The following SSBP4 variants were observed in gnomAD, a reference collection of about 807,000 sequenced individuals.
The protein encoded by SSBP4 is single stranded DNA binding protein 4.
In SSBP4, 33 loss-of-function variants were observed where a neutral mutation model predicts 64.6. The ratio of observed to expected loss-of-function variants is 0.51; its 90% confidence interval spans 0.39 to 0.68. The LOEUF (loss-of-function observed/expected upper bound fraction) is 0.68. Among genes scored for constraint, SSBP4 ranks in the 30% least tolerant of loss-of-function variants. The pLI, the probability that SSBP4 is intolerant of heterozygous loss-of-function variation, is 0.00. For synonymous variants in SSBP4, 243 were observed against 224.0 expected, an observed-to-expected ratio of 1.08 and a Z score of -0.76; for missense variants, 583 against 566.8, an observed-to-expected ratio of 1.03 and a Z score of -0.29.
the SSBP4 span, among the ~76,000 whole-genome samples, chr19:18,404,985 G>GCCC: frequency 1.5e-5 from 2 of 134,498 alleles, no homozygotes; most frequent in African/African-American, 5.6e-5. Flanking sequence ...AAGCCCAGAG[G>GCCC]CCCCCCCCCC....
upstream of SSBP4, among the ~76,000 whole-genome samples, chr19:18,417,113 CCGACCCCGCCGT>C (rs1568338410): frequency 6.6e-6 from 1 of 151,878 alleles, no homozygotes; most frequent in Non-Finnish European, 1.5e-5. The surrounding 1 kb of genome is among the most constrained non-coding windows in gnomAD (Gnocchi z 5.4). Flanking sequence ...GGGAGACCGA[CCGACCCCGCCGT>C]CGCCCGTCCT....
chr19:18,419,241 G>A, upstream of SSBP4: 1 of 989,702 alleles, frequency 1.0e-6, no homozygotes, highest in Non-Finnish European at 1.2e-6. Flanking sequence ...CCGCGAGTGT[G>A]TAGCCGCGCC....
At position 18,423,771 on chromosome 19, in the gene SSBP4, C is replaced by T. The variant is rs944261281; in HGVS notation, c.60-3580C>T. On this transcript the variant is annotated intron_variant, in intron 1 of 17. Coordinates refer to ENST00000270061, the MANE Select transcript of SSBP4 (RefSeq NM_032627.5). This position sits in a 1 kb window ranked among gnomAD's most constrained non-coding sequence, Gnocchi z 4.0. ...CTTCTGCAGGGAGAGCTGCCTGCTGCTCTTCCGGGTGCCTCCCTGTTTTCC... is the reference window on the plus strand; with the variant it reads ...CTTCTGCAGGGAGAGCTGCCTGCTGTTCTTCCGGGTGCCTCCCTGTTTTCC... Among the ~76,000 whole-genome samples the T allele has an allele frequency of 7.2e-5, 11 of 152,188 alleles. No individual in the cohort carries two copies. Among genetic ancestry groups the T allele is most frequent in the African/African-American group, 2.7e-4 (11 of 41,452 alleles).
intron 5 of SSBP4, 69 bp downstream of exon 5, chr19:18,430,999 C>G (rs972229048): frequency 1.9e-6 from 3 of 1,538,538 alleles, no homozygotes; most frequent in African/African-American, 1.4e-5. Flanking sequence ...TGGGGGGGGT[C>G]CCACGTGGGC....
chr19:18,427,683 G>A lies in SSBP4; in HGVS notation c.133-69G>A, dbSNP rs1177840295. 2.0e-6 allele frequency: 3 copies of A among 1,507,724 alleles called. No individual in the cohort carries two copies. Among genetic ancestry groups the A allele is most frequent in the Non-Finnish European group, 2.7e-6 (3 of 1,117,450 alleles). The allele number at this position is 1,507,724 out of a possible 1,614,324, so 93.4% of individuals were successfully genotyped here. ...CTCCCTCCCTGCCCAGATGTTCTCTGGGCACCCTGCTGGGTGGTGGGGCAG... is the reference window on the plus strand; with the variant it reads ...CTCCCTCCCTGCCCAGATGTTCTCTAGGCACCCTGCTGGGTGGTGGGGCAG... On this transcript the variant is annotated intron_variant, in intron 2 of 17. Coordinates refer to ENST00000270061, the MANE Select transcript of SSBP4 (RefSeq NM_032627.5). This position sits in a 1 kb window ranked among gnomAD's most constrained non-coding sequence, Gnocchi z 4.4.
intron 4 of SSBP4, among the ~76,000 whole-genome samples, chr19:18,430,012 C>G (rs1973215961): frequency 6.6e-6 from 1 of 152,172 alleles, no homozygotes; most frequent in South Asian, 2.1e-4. Context: ...CTCTCTGAGC[C>G]CAAGTGGCTG....
chr19:18,410,717 T>C, the SSBP4 span, among the ~76,000 whole-genome samples: 3 of 151,844 alleles, frequency 2.0e-5, no homozygotes, highest in African/African-American at 7.2e-5. Flanking sequence ...CAGGGAGGCC[T>C]CAAGGGGATG....
At chr19:18,413,843 C>T in the SSBP4 span, among the ~76,000 whole-genome samples, 3 of 152,056 alleles carry the variant, frequency 2.0e-5, no homozygotes. Context: ...ATGGTGAAAC[C>T]CCGTCTCTAC....
chr19:18,414,077 A>T (rs1972113552), upstream of SSBP4, among the ~76,000 whole-genome samples: 1 of 152,198 alleles, frequency 6.6e-6, no homozygotes, highest in Non-Finnish European at 1.5e-5. Flanking sequence ...ACAGGTGAGG[A>T]GTAGCAGAAG....
Position 18,427,898 on chromosome 19 carries a change from C to T in SSBP4, c.195C>T (p.Cys65=), listed in dbSNP as rs140756470. 78 of 1,613,830 alleles carry T rather than the reference C, an allele frequency of 4.8e-5. No individual in the cohort carries two copies. Among genetic ancestry groups the T allele is most frequent in the African/African-American group, 2.5e-4 (19 of 74,896 alleles). Residue 65 remains cysteine, a splice_region_variant and synonymous_variant, in exon 4 of 18, where the codon TGC becomes TGT. Transcript: ENST00000270061. This position sits in a 1 kb window ranked among gnomAD's most constrained non-coding sequence, Gnocchi z 4.4. The part of the protein sequence containing the change: ...EPPGFLHSWW[C]VFWDLYCAAP... ...AACCATCTTCCCCTTTGGCCCACAG[C>T]GTCTTCTGGGACCTGTACTGCGCGG...
chr19:18,431,640 C>T lies in SSBP4; in HGVS notation c.436-7C>T, dbSNP rs1345770523. On this transcript the variant is annotated splice_region_variant and splice_polypyrimidine_tract_variant and intron_variant, in intron 6 of 17. Transcript: ENST00000270061. Reference sequence around the variant, plus strand: ...GGAAGGTGCTGATCCCCGCCCACCTCTTCCAGCCCTTCATGTCACCGCGCT... The same window carrying T: ...GGAAGGTGCTGATCCCCGCCCACCTTTTCCAGCCCTTCATGTCACCGCGCT... 3.9e-6 allele frequency: 6 copies of T among 1,548,018 alleles called. No individual in the cohort carries two copies. Among genetic ancestry groups the T allele is most frequent in the Non-Finnish European group, 4.4e-6 (5 of 1,145,846 alleles).
upstream of SSBP4, among the ~76,000 whole-genome samples, chr19:18,418,486 C>A (rs1292084684): frequency 6.6e-6 from 1 of 152,168 alleles, no homozygotes; most frequent in African/African-American, 2.4e-5. This position sits in a 1 kb window ranked among gnomAD's most constrained non-coding sequence, Gnocchi z 6.7. Flanking sequence ...CCCTGACTCC[C>A]GCAGACAAAG....
chr19:18,434,177 G>C (rs927977290), intron 17 of SSBP4, 40 bp from the exon 18 acceptor site: 8 of 1,609,416 alleles, frequency 5.0e-6, no homozygotes, highest in Admixed American at 3.4e-5. Flanking sequence ...TTCCGGAGCT[G>C]AACTCGGCCC....
At position 18,433,142 on chromosome 19, in the gene SSBP4, T is replaced by G. The variant is rs779481720; in HGVS notation, c.920T>G (p.Leu307Arg). Residue 307 changes from leucine to arginine, a missense_variant, in exon 15 of 18, where the codon CTC becomes CGC. By Grantham distance (102) the Leu-to-Arg change is moderately radical. Transcript: ENST00000270061. ...CTGTCCCCATGCCCGCAGTTCCCGCTCGGCCCTGGCCCGGAGGGCCCCATG... is the reference window on the plus strand; with the variant it reads ...CTGTCCCCATGCCCGCAGTTCCCGCGCGGCCCTGGCCCGGAGGGCCCCATG... ...GQGAGRANFP[L>R]GPGPEGPMAA... 38 of 1,606,050 alleles carry G rather than the reference T, an allele frequency of 2.4e-5. No individual in the cohort carries two copies. Among genetic ancestry groups the G allele is most frequent in the Non-Finnish European group, 3.1e-5 (37 of 1,176,984 alleles).
chr19:18,431,746 C>T (rs776387327), intron 7 of SSBP4, 40 bp downstream of exon 7: 30 of 1,540,038 alleles, frequency 1.9e-5, no homozygotes, highest in African/African-American at 2.7e-5. Flanking sequence ...GGAGCTGGGC[C>T]GGGGAGGGAG....
At chr19:18,418,436 G>A (rs370904186), upstream of SSBP4, among the ~76,000 whole-genome samples, 2 of 152,182 alleles carry the variant, frequency 1.3e-5, no homozygotes, top group Non-Finnish European at 2.9e-5. The surrounding 1 kb of genome is among the most constrained non-coding windows in gnomAD (Gnocchi z 6.7). Context: ...GTGGGGGGAT[G>A]AAGGGCCCTA....
chr19:18,431,540 C>A, intron 6 of SSBP4, 107 bp from the exon 7 acceptor site: 2 of 1,444,952 alleles, frequency 1.4e-6, no homozygotes, highest in Non-Finnish European at 1.9e-6. Flanking sequence ...CTGGCTGGTT[C>A]TGGAGGAGGG....
intron 5 of SSBP4, 38 bp downstream of exon 5, chr19:18,430,968 G>C: frequency 6.2e-7 from 1 of 1,602,738 alleles, no homozygotes. Flanking sequence ...CCCCAACTCT[G>C]GCTGAACATG....
the SSBP4 span, among the ~76,000 whole-genome samples, chr19:18,406,482 A>T: frequency 1.6e-4 from 24 of 151,690 alleles, no homozygotes; most frequent in African/African-American, 5.8e-4. Flanking sequence ...CGTGCTGCCT[A>T]AAAAAGTTTT....
Sources: allele counts gnomAD v4.1 joint callset (sites outside exome capture counted in the v4.1 genomes callset), GRCh38; gene constraint gnomAD v4.1.1; non-coding constraint Gnocchi (gnomAD v3.1); transcripts MANE v1.5; gene names NCBI Gene and HGNC (gene_info 2026-07-23, HGNC 2026-07-21).